The following LNX1 variants were observed in gnomAD, a reference collection of about 807,000 sequenced individuals.
The protein encoded by LNX1 is E3 ubiquitin-protein ligase LNX.
Under a neutral mutation model 68.4 loss-of-function variants are expected in LNX1, and 54 were observed. The ratio of observed to expected loss-of-function variants is 0.79; its 90% CI spans 0.63 to 0.99. The LOEUF is 0.99. LNX1 is among the 50% of genes least tolerant of loss of function. The pLI, the probability that LNX1 is intolerant of heterozygous loss-of-function variation, is 0.00. For missense variants in LNX1, 906 were observed against 926.4 expected (o/e 0.98, Z 0.29); for synonymous variants, 336 against 350.0 (o/e 0.96, Z 0.45).
At chr4:53,523,609 A>G (rs372975095) in intron 2 of LNX1, among the ~76,000 whole-genome samples, 33 of 152,168 alleles carry the variant, frequency 2.2e-4, no homozygotes, top group African/African-American at 7.2e-4. Context: ...ATTTTATATG[A>G]TATGCACATC....
At chr4:53,601,299 T>C (rs1056927166) in intron 2 of LNX1, among the ~76,000 whole-genome samples, 1 of 152,122 alleles carries the variant, frequency 6.6e-6, no homozygotes, top group Non-Finnish European at 1.5e-5. Flanking sequence ...CAGCCCAGGG[T>C]GGCCAGACTG....
intron 1 of LNX1, among the ~76,000 whole-genome samples, chr4:53,646,223 G>T (rs1302467194): frequency 6.6e-6 from 1 of 152,100 alleles, no homozygotes; most frequent in African/African-American, 2.4e-5. Context: ...TTATGGCAGA[G>T]CTCCAACTCT....
chr4:53,480,178 C>T (rs1384882247), intron 7 of LNX1, among the ~76,000 whole-genome samples: 1 of 152,194 alleles, frequency 6.6e-6, no homozygotes, highest in African/African-American at 2.4e-5. Context: ...ATATATGTCT[C>T]AGTTTTTTTA....
chr4:53,565,286 C>T (rs375704378), intron 2 of LNX1, among the ~76,000 whole-genome samples: 21 of 152,182 alleles, frequency 1.4e-4, no homozygotes, highest in Admixed American at 3.3e-4. Flanking sequence ...TCTCCCAGTA[C>T]GCAGCTGGAG....
chr4:53,545,357 G>A (rs190162561), intron 2 of LNX1, among the ~76,000 whole-genome samples: 7 of 152,168 alleles, frequency 4.6e-5, no homozygotes, highest in Admixed American at 1.3e-4. Context: ...CCCCAACCTG[G>A]CCCTACTGAA....
At position 53,507,302 on chromosome 4, in the gene LNX1, G is replaced by A. The variant is rs1725964291; in HGVS notation, c.775+15C>T. 3 of 1,612,704 alleles carry A rather than the reference G, an allele frequency of 1.9e-6. No homozygotes were observed. The highest frequency in any genetic ancestry group is 1.7e-6 in the Non-Finnish European group (2 of 1,179,358). On this transcript the variant is annotated intron_variant, in intron 4 of 10. Coordinates refer to ENST00000263925, the MANE Select transcript of LNX1 (RefSeq NM_001126328.3). ...CCAGCCCATGTCCATCCAGCCTTATGGGGAGTTCATTTACCTTCAGGGGCA... is the reference window on the plus strand; with the variant it reads ...CCAGCCCATGTCCATCCAGCCTTATAGGGAGTTCATTTACCTTCAGGGGCA...
In LNX1 at chr4:53,460,335, AG is replaced by A. The variant is rs1721687572; in HGVS notation, c.*571del. The A allele has an allele frequency of 1.1e-5, 2 of 190,006 alleles. No homozygotes were observed. Among genetic ancestry groups the A allele is most frequent in the Admixed American group, 1.2e-4 (2 of 16,272 alleles). 11.8% of individuals were successfully genotyped at this position (190,006 alleles called of 1,614,324 possible). A position where few individuals can be genotyped will look rare whatever the true frequency, so the allele number is the denominator to read the frequency against. Reference sequence around the variant, plus strand: ...GAGCATTTTTAGGGATAAGCCTAGGAGGTATTCATCGGTGATGGTAACAAAT... The same window carrying A: ...GAGCATTTTTAGGGATAAGCCTAGGAGTATTCATCGGTGATGGTAACAAAT... On this transcript the variant is annotated 3_prime_UTR_variant, in exon 11 of 11. Coordinates refer to ENST00000263925, the MANE Select transcript of LNX1 (RefSeq NM_001126328.3).
chr4:53,468,770 A>C (rs1722901491), intron 9 of LNX1, among the ~76,000 whole-genome samples: 1 of 152,390 alleles, frequency 6.6e-6, no homozygotes, highest in African/African-American at 2.4e-5. Flanking sequence ...TAAAGGGATC[A>C]ATTCAACAAG....
intron 2 of LNX1, among the ~76,000 whole-genome samples, chr4:53,558,445 T>C (rs980371044): frequency 5.9e-5 from 9 of 152,156 alleles, no homozygotes; most frequent in African/African-American, 2.2e-4. Flanking sequence ...TGTAAGAAAT[T>C]CCCATCTTTG....
chr4:53,510,738 A>T (rs1442045042), intron 2 of LNX1, among the ~76,000 whole-genome samples: 1 of 152,218 alleles, frequency 6.6e-6, no homozygotes. Flanking sequence ...GGAAGTTCCT[A>T]GCTGGTCTGG....
intron 2 of LNX1, among the ~76,000 whole-genome samples, chr4:53,601,195 G>A (rs1350820339): frequency 1.3e-5 from 2 of 152,112 alleles, no homozygotes; most frequent in African/African-American, 4.8e-5. Context: ...AGGTTTAGGA[G>A]TTAGGAGAAG....
intron 2 of LNX1, among the ~76,000 whole-genome samples, chr4:53,537,097 G>C (rs937382811): frequency 2.0e-5 from 3 of 152,202 alleles, no homozygotes; most frequent in Non-Finnish European, 4.4e-5. Flanking sequence ...GCATTTTAGA[G>C]TGGTAGTGGG....
At chr4:53,532,689 CA>C (rs1728101888) in intron 2 of LNX1, among the ~76,000 whole-genome samples, 1 of 152,182 alleles carries the variant, frequency 6.6e-6, no homozygotes, top group African/African-American at 2.4e-5. Context: ...CCACAGGAGA[CA>C]GACTAAACAG....
chr4:53,652,035 G>GATAT (rs60495392), intron 1 of LNX1: 1 of 147,988 alleles, frequency 6.8e-6, no homozygotes, highest in Non-Finnish European at 1.5e-5. Flanking sequence ...GAGAGAGAGA[G>GATAT]AGAGAGAGAG....
rs532673790 is a variant in LNX1 at position 53,462,456 on chromosome 4, G to A, written c.1893-863C>T. 3.9e-5 allele frequency among the ~76,000 whole-genome samples: 6 copies of A among 152,132 alleles called. No homozygotes were observed. The East Asian group carries it at 1.2e-3, about 29-fold the overall frequency. On this transcript the variant is annotated intron_variant, in intron 9 of 10. Transcript: ENST00000263925. The stretch of plus-strand genomic sequence containing the variant: ...CATTTGTAGCTGTAGTCCGGGAATT[G>A]GTTTGAAAGGAAATTGGCATTTTCA...
upstream of LNX1, chr4:53,617,598 A>G (rs1007496523): frequency 4.6e-5 from 7 of 152,240 alleles, no homozygotes; most frequent in African/African-American, 7.2e-5. Flanking sequence ...AAATATTTTT[A>G]TACAACCTTG....
upstream of LNX1, among the ~76,000 whole-genome samples, chr4:53,594,948 G>C (rs1403726252): frequency 6.6e-6 from 1 of 152,132 alleles, no homozygotes; most frequent in Non-Finnish European, 1.5e-5. Context: ...CTGACCTCAA[G>C]TGATCCTCCC....
chr4:53,579,433 C>A (rs1261665619), intron 1 of LNX1, among the ~76,000 whole-genome samples: 1 of 151,950 alleles, frequency 6.6e-6, no homozygotes. Flanking sequence ...AAATAAAAAC[C>A]CCCATCTCTT....
At chr4:53,506,314 G>A (rs933561190) in intron 4 of LNX1, among the ~76,000 whole-genome samples, 1 of 152,168 alleles carries the variant, frequency 6.6e-6, no homozygotes, top group Non-Finnish European at 1.5e-5. Context: ...CTATGTGCAT[G>A]CAGAAAGAGC....
Sources: gnomAD v4.1 joint callset for allele counts (sites outside exome capture counted in the v4.1 genomes callset) on GRCh38, gnomAD v4.1.1 for gene constraint, MANE v1.5 for transcripts, NCBI Gene and HGNC (gene_info 2026-07-23, HGNC 2026-07-21) for gene names.